The following EPN2 variants were observed in gnomAD, a reference collection of about 807,000 sequenced individuals.
The protein encoded by EPN2 is epsin 2.
In EPN2, 34 loss-of-function variants were observed where a neutral mutation model predicts 61.7. The observed-to-expected ratio is 0.55, with a 90% CI of 0.42 to 0.73. The LOEUF (loss-of-function observed/expected upper bound fraction) is 0.73, where lower values mean the gene tolerates loss of function less well. Ranked by LOEUF, EPN2 falls within the 30% of genes least tolerant of loss-of-function variation. EPN2 has a pLI of 0.00. For missense variants in EPN2, 714 were observed against 839.2 expected (o/e 0.85, Z 1.84); for synonymous variants, 349 against 353.6 (o/e 0.99, Z 0.15).
intron 1 of EPN2, among the ~76,000 whole-genome samples, chr17:19,247,199 G>A (rs943694248): frequency 1.3e-5 from 2 of 152,232 alleles, no homozygotes; most frequent in African/African-American, 4.8e-5. Context: ...GCTGGGAGAT[G>A]TAGAAGTATG....
At position 19,312,505 on chromosome 17, in the gene EPN2, C is replaced by T. The variant is rs754450; in HGVS notation, c.972+361C>T. On this transcript the variant is annotated intron_variant, in intron 6 of 10. Transcript: ENST00000314728. The stretch of plus-strand genomic sequence containing the variant: ...CCAGAAGTGCTGGTTGCCTCTTCAG[C>T]CCTGTGCCAGGCTTCCTGCTGTGAT... Among the ~76,000 whole-genome samples, 1,055 of 152,334 alleles carry T rather than the reference C, an allele frequency of 6.9e-3. 7 individuals carry two copies. Among genetic ancestry groups the T allele is most frequent in the Middle Eastern group, 0.037 (11 of 294 alleles).
chr17:19,327,971 C>T (rs2152238996), intron 7 of EPN2, among the ~76,000 whole-genome samples: 1 of 152,304 alleles, frequency 6.6e-6, no homozygotes. Context: ...AAATCTGTGT[C>T]TATACATAAA....
chr17:19,255,435 A>ACTTT (rs779030156), intron 1 of EPN2, among the ~76,000 whole-genome samples: 17 of 96,758 alleles, frequency 1.8e-4, no homozygotes, highest in Admixed American at 1.6e-3. Context: ...TTCTTCATTT[A>ACTTT]CTTTATTTAT....
intron 8 of EPN2, 172 bp from the exon 9 acceptor site, chr17:19,329,389 T>C (rs1308361280): frequency 5.2e-6 from 3 of 572,216 alleles, no homozygotes; most frequent in Non-Finnish European, 9.3e-6. Context: ...CCCAGCGTGC[T>C]GGTGACCCCA....
intron 1 of EPN2, among the ~76,000 whole-genome samples, chr17:19,274,634 C>G (rs2045288417): frequency 6.6e-6 from 1 of 152,098 alleles, no homozygotes; most frequent in African/African-American, 2.4e-5. Flanking sequence ...GGTGAACATC[C>G]TCCTCTCAGC....
At chr17:19,286,895 G>A (rs1445680957) in intron 4 of EPN2, among the ~76,000 whole-genome samples, 1 of 152,160 alleles carries the variant, frequency 6.6e-6, no homozygotes, top group Non-Finnish European at 1.5e-5. Context: ...TCACCCAGAG[G>A]CATTGGAGTT....
rs117407311 is a variant in EPN2, at chr17:19,319,281, C to T, written c.1147+6002C>T. Among the ~76,000 whole-genome samples the T allele has an allele frequency of 3.7e-3, 556 of 152,204 alleles. 2 individuals are homozygous for T. Among genetic ancestry groups the T allele is most frequent in the Middle Eastern group, 0.014 (4 of 294 alleles). ...CTATTAGTTTAAACTGTGTTTAGAA[C>T]CTCACTGTCTGAGAGTACGTCTAGA... On this transcript the variant is annotated intron_variant, in intron 7 of 10. Transcript: ENST00000314728.
Position 19,335,658 on chromosome 17 carries a change from A to G in EPN2, c.*1404A>G, listed in dbSNP as rs1907383530. On this transcript the variant is annotated 3_prime_UTR_variant, in exon 11 of 11. Transcript: ENST00000314728. ...GACCAGGGCTGGCCCTGATCCACCTACCTGCTAACTCCAGATATTATTTTT... is the reference window on the plus strand; with the variant it reads ...GACCAGGGCTGGCCCTGATCCACCTGCCTGCTAACTCCAGATATTATTTTT... The G allele has an allele frequency of 7.2e-6, 3 of 418,908 alleles. No homozygotes were observed. Among genetic ancestry groups the G allele is most frequent in the East Asian group, 7.0e-5 (2 of 28,664 alleles). The allele number at this position is 418,908 out of a possible 1,614,324, so 25.9% of individuals were successfully genotyped here. A position where few individuals can be genotyped will look rare whatever the true frequency, so the allele number is the denominator to read the frequency against.
intron 4 of EPN2, chr17:19,307,889 A>G (rs965163334): frequency 3.0e-6 from 3 of 985,012 alleles, no homozygotes; most frequent in Non-Finnish European, 3.6e-6. Flanking sequence ...TGGCCCAGCT[A>G]TCTGAAAGCC....
chr17:19,242,132 G>GA (rs5819664), intron 1 of EPN2, among the ~76,000 whole-genome samples: 54,116 of 115,172 alleles, frequency 0.47, 15,944 homozygotes, highest in African/African-American at 0.8. Context: ...TGTTTGATCT[G>GA]AAAAAAAAAA....
chr17:19,330,310 C>T (rs1166512931), intron 9 of EPN2, among the ~76,000 whole-genome samples: 2 of 152,072 alleles, frequency 1.3e-5, no homozygotes, highest in Admixed American at 1.3e-4. Context: ...CTCTTTTTTT[C>T]TTTCCTGTCT....
intron 1 of EPN2, among the ~76,000 whole-genome samples, chr17:19,239,235 C>A (rs149423209): frequency 4.6e-5 from 7 of 152,362 alleles, no homozygotes; most frequent in African/African-American, 1.7e-4. Flanking sequence ...GAAACCTCCG[C>A]CTCCTGGGTT....
At chr17:19,259,506 G>A (rs966771762) in intron 1 of EPN2, among the ~76,000 whole-genome samples, 9 of 151,972 alleles carry the variant, frequency 5.9e-5, no homozygotes, top group Non-Finnish European at 1.0e-4. Flanking sequence ...TAGAGACGGG[G>A]TTTCACCGTG....
At chr17:19,302,215 A>G (rs1342752823) in intron 4 of EPN2, among the ~76,000 whole-genome samples, 1 of 152,238 alleles carries the variant, frequency 6.6e-6, no homozygotes, top group East Asian at 1.9e-4. Flanking sequence ...CTCGAGAGAC[A>G]GTGTTGCACA....
chr17:19,312,772 C>A, intron 6 of EPN2: 1 of 308,992 alleles, frequency 3.2e-6, no homozygotes, highest in Non-Finnish European at 6.0e-6. Context: ...CAGGCTGGCC[C>A]TGGATGGTGG....
intron 4 of EPN2, among the ~76,000 whole-genome samples, chr17:19,303,261 A>G (rs958000961): frequency 1.3e-5 from 2 of 152,210 alleles, no homozygotes; most frequent in African/African-American, 2.4e-5. Context: ...CACACCTCAC[A>G]AAATGGGAAA....
intron 1 of EPN2, among the ~76,000 whole-genome samples, chr17:19,238,239 G>C (rs1053050115): frequency 9.2e-5 from 14 of 152,248 alleles, no homozygotes; most frequent in Non-Finnish European, 2.1e-4. Context: ...CGGCTGATCC[G>C]GGTGGGTGAA....
chr17:19,306,060 G>A (rs1283192903), intron 4 of EPN2: 1 of 152,222 alleles, frequency 6.6e-6, no homozygotes, highest in African/African-American at 2.4e-5. Context: ...TTAGTGATGA[G>A]CTTAAACTAA....
intron 1 of EPN2, among the ~76,000 whole-genome samples, chr17:19,240,834 C>G (rs1209193590): frequency 6.6e-6 from 1 of 152,116 alleles, no homozygotes; most frequent in Non-Finnish European, 1.5e-5. Flanking sequence ...TTCTCCAGTA[C>G]CAGGCTCGGT....
Sources: gnomAD v4.1 joint callset for allele counts (sites outside exome capture counted in the v4.1 genomes callset) on GRCh38, gnomAD v4.1.1 for gene constraint, MANE v1.5 for transcripts, NCBI Gene and HGNC (gene_info 2026-07-23, HGNC 2026-07-21) for gene names.